PRMT8: variants seen among roughly 807,000 people sequenced by gnomAD.
The protein encoded by PRMT8 is protein arginine N-methyltransferase 8.
In PRMT8, 7 loss-of-function variants were observed where a neutral mutation model predicts 47.1. That is an observed-to-expected ratio of 0.15 (90% CI 0.08 to 0.28). PRMT8 has a LOEUF of 0.28. PRMT8 is among the 10% of genes least tolerant of loss of function. The probability of loss-of-function intolerance (pLI) is 1.00; values close to 1 mark genes in which losing one functional copy is unlikely to be tolerated. For synonymous variants in PRMT8, 188 were observed against 186.5 expected (o/e 1.01, Z -0.07); for missense variants, 237 against 505.4 (o/e 0.47, Z 5.09).
chr12:3,441,730 C>T (rs774152766), intron 1 of PRMT8, among the ~76,000 whole-genome samples: 38 of 152,118 alleles, frequency 2.5e-4, no homozygotes, highest in East Asian at 5.8e-4. Flanking sequence ...CTGTGGATGT[C>T]GAATATTCGT....
chr12:3,390,194 C>T (rs1864180493), intron 1 of PRMT8, among the ~76,000 whole-genome samples: 1 of 152,262 alleles, frequency 6.6e-6, no homozygotes, highest in Non-Finnish European at 1.5e-5. Flanking sequence ...CAGTACACTG[C>T]ATAATGGGCT....
At chr12:3,582,190 G>C (rs1332477935) in intron 7 of PRMT8, among the ~76,000 whole-genome samples, 1 of 152,182 alleles carries the variant, frequency 6.6e-6, no homozygotes, top group Non-Finnish European at 1.5e-5. Flanking sequence ...GCCTCACGGG[G>C]CCAGCAAGCA....
intron 4 of PRMT8, among the ~76,000 whole-genome samples, chr12:3,560,515 T>C (rs143496054): frequency 3.9e-5 from 6 of 152,278 alleles, no homozygotes; most frequent in Non-Finnish European, 5.9e-5. Flanking sequence ...TTCCTCCCCA[T>C]CTGATGAGGA....
intron 8 of PRMT8, among the ~76,000 whole-genome samples, chr12:3,584,946 T>C (rs1867139737): frequency 6.6e-6 from 1 of 152,214 alleles, no homozygotes; most frequent in Non-Finnish European, 1.5e-5. Flanking sequence ...TTAACAACGT[T>C]ATCTTGGTGA....
chr12:3,491,316 G>T lies in PRMT8; in HGVS notation c.-310G>T. 9.2e-7 allele frequency: 1 copy of T among 1,086,650 alleles called. No individual in the cohort carries two copies. Among genetic ancestry groups the T allele is most frequent in the Non-Finnish European group, 1.1e-6 (1 of 895,318 alleles). The allele number at this position is 1,086,650 out of a possible 1,614,324, so 67.3% of individuals were successfully genotyped here. A position where few individuals can be genotyped will look rare whatever the true frequency, so the allele number is the denominator to read the frequency against. ...CGACCGCCGCCGCCGCCGCCGCGGAGGCTTCGGGGCTGCTTCCCTCGAGCT... is the reference window on the plus strand; with the variant it reads ...CGACCGCCGCCGCCGCCGCCGCGGATGCTTCGGGGCTGCTTCCCTCGAGCT... On this transcript the variant is annotated 5_prime_UTR_variant, in exon 1 of 10. The change creates a new upstream start codon in the 5' untranslated region. Coordinates refer to ENST00000382622, the MANE Select transcript of PRMT8 (RefSeq NM_019854.5).
At chr12:3,434,968 C>CTTTTTTTT (rs398044252) in intron 1 of PRMT8, among the ~76,000 whole-genome samples, 1 of 130,726 alleles carries the variant, frequency 7.6e-6, no homozygotes, top group African/African-American at 2.9e-5. Flanking sequence ...TTGCTTTGCT[C>CTTTTTTTT]TTTTTTTTTT....
intron 1 of PRMT8, among the ~76,000 whole-genome samples, chr12:3,519,452 G>T (rs1865847325): frequency 6.6e-6 from 1 of 152,192 alleles, no homozygotes; most frequent in Admixed American, 6.5e-5. Context: ...TGGCCACTGA[G>T]GCGGGACAGG....
intron 1 of PRMT8, among the ~76,000 whole-genome samples, chr12:3,518,065 A>G (rs1489136155): frequency 6.7e-6 from 1 of 149,670 alleles, no homozygotes; most frequent in Non-Finnish European, 1.5e-5. Context: ...CATAGTAAAC[A>G]GCCCTTGCCC....
At chr12:3,387,243 G>A (rs913621812) in intron 1 of PRMT8, among the ~76,000 whole-genome samples, 5 of 152,132 alleles carry the variant, frequency 3.3e-5, no homozygotes, top group African/African-American at 1.2e-4. Context: ...AAAGCACACA[G>A]CAACAATAAT....
intron 1 of PRMT8, among the ~76,000 whole-genome samples, chr12:3,533,656 G>T (rs989003536): frequency 3.3e-5 from 5 of 152,204 alleles, no homozygotes; most frequent in African/African-American, 1.2e-4. Flanking sequence ...CCTCTGAGGG[G>T]GCTGACTTCA....
At chr12:3,517,846 G>A (rs866082696) in intron 1 of PRMT8, among the ~76,000 whole-genome samples, 1 of 152,276 alleles carries the variant, frequency 6.6e-6, no homozygotes. Flanking sequence ...AAATAATAAA[G>A]TATTGCTGTT....
intron 1 of PRMT8, among the ~76,000 whole-genome samples, chr12:3,464,280 A>C (rs1202562172): frequency 2.0e-5 from 3 of 151,638 alleles, no homozygotes; most frequent in Non-Finnish European, 4.4e-5. Context: ...TAAAAAAAAA[A>C]AACAAACTGC....
At chr12:3,519,439 G>T (rs1448446708) in intron 1 of PRMT8, among the ~76,000 whole-genome samples, 1 of 152,200 alleles carries the variant, frequency 6.6e-6, no homozygotes, top group Non-Finnish European at 1.5e-5. Context: ...AAAGGATGCA[G>T]TGTGGCCACT....
At chr12:3,428,738 C>A (rs988463277) in intron 1 of PRMT8, among the ~76,000 whole-genome samples, 1 of 151,634 alleles carries the variant, frequency 6.6e-6, no homozygotes, top group African/African-American at 2.4e-5. Context: ...TTCCTTTTGC[C>A]TCTGTCTCTT....
intron 1 of PRMT8, among the ~76,000 whole-genome samples, chr12:3,384,974 A>G (rs1864126149): frequency 7.0e-6 from 1 of 142,654 alleles, no homozygotes; most frequent in Admixed American, 6.9e-5. Context: ...GGGGGCTGGC[A>G]ATAACACTTC....
Position 3,427,828 on chromosome 12 carries a change from C to T in PRMT8, c.48+46386C>T, listed in dbSNP as rs79794266. ...TTTTTTTACATAAATTCTGCTCCCC[C>T]TCTTTTTTTCCCTTTTTTCGAAGAT... is the stretch of plus-strand genomic sequence containing the variant. On this transcript the variant is annotated intron_variant, in intron 1 of 9. Transcript: ENST00000452611. Among the ~76,000 whole-genome samples the T allele has an allele frequency of 2.2e-4, 34 of 152,248 alleles. No individual in the cohort carries two copies. In the East Asian group the frequency reaches 6.6e-3, roughly 29 times the overall value.
At chr12:3,454,901 C>T (rs1216014490) in intron 1 of PRMT8, among the ~76,000 whole-genome samples, 2 of 152,208 alleles carry the variant, frequency 1.3e-5, no homozygotes, top group Non-Finnish European at 2.9e-5. Flanking sequence ...TCAGGTCCTA[C>T]ATACCTGTGA....
At chr12:3,393,028 T>C (rs1318073193) in intron 1 of PRMT8, among the ~76,000 whole-genome samples, 1 of 152,220 alleles carries the variant, frequency 6.6e-6, no homozygotes, top group African/African-American at 2.4e-5. Context: ...AAGTGTCTGT[T>C]CATGTCCTTC....
At chr12:3,537,149 A>G (rs1263564104) in intron 1 of PRMT8, among the ~76,000 whole-genome samples, 2 of 152,238 alleles carry the variant, frequency 1.3e-5, no homozygotes, top group East Asian at 1.9e-4. Flanking sequence ...GAAAGGACCT[A>G]TCTCTCTGCA....
Sources: allele counts gnomAD v4.1 joint callset (sites outside exome capture counted in the v4.1 genomes callset), GRCh38; gene constraint gnomAD v4.1.1; transcripts MANE v1.5; gene names NCBI Gene and HGNC (gene_info 2026-07-23, HGNC 2026-07-21).